Variants in ENPP4 observed in about 807,000 individuals in gnomAD.
ENPP4 encodes the protein bis(5'-adenosyl)-triphosphatase ENPP4.
ENPP4 carries 18 observed loss-of-function variants against 33.4 expected under a neutral mutation model. That is an observed-to-expected ratio of 0.54 (90% confidence interval 0.37 to 0.80). The LOEUF (loss-of-function observed/expected upper bound fraction) is 0.80, where lower values mean the gene tolerates loss of function less well. Ranked by LOEUF, ENPP4 falls within the 30% of genes least tolerant of loss-of-function variation. The pLI is 0.00. For missense variants in ENPP4, 480 were observed against 541.7 expected (o/e 0.89, Z 1.13); for synonymous variants, 172 against 189.9 (o/e 0.91, Z 0.78).
rs749467531 is a variant in ENPP4 at position 46,143,412 on chromosome 6, G to A, written c.1134G>A (p.Leu378=). ...VDIYPMMCHI[L]GLKPHPNNGT... ...TTTATCCAATGATGTGCCACATCCT[G>A]GGATTAAAACCACATCCCAATAATG... The change falls in exon 4 of 4, where the codon CTG becomes CTA. Residue 378 remains leucine (L), a synonymous_variant. Coordinates refer to ENST00000321037, the MANE Select transcript of ENPP4 (RefSeq NM_014936.5). 20 of 1,612,506 alleles carry A rather than the reference G, an allele frequency of 1.2e-5. 1 individual carries two copies. The South Asian group carries it at 1.9e-4, about 15-fold the overall frequency.
chr6:46,136,817 TA>T (rs1763984725), intron 1 of ENPP4, among the ~76,000 whole-genome samples: 1 of 151,880 alleles, frequency 6.6e-6, no homozygotes, highest in African/African-American at 2.4e-5. Context: ...TATTGAGGAC[TA>T]AAAAATATAG....
chr6:46,144,325 A>T lies in ENPP4; in HGVS notation c.*685A>T, dbSNP rs1445422136. ...TAGTCTTAAAGATTATTGTTAAAAA[A>T]TTCAGAAGAAAAGAGAGACAAGTGC... On this transcript the variant is annotated 3_prime_UTR_variant, in exon 4 of 4. Transcript: ENST00000321037. 4 of 151,842 alleles carry T rather than the reference A, an allele frequency of 2.6e-5. No individual in the cohort carries two copies. Among genetic ancestry groups the T allele is most frequent in the Admixed American group, 6.6e-5 (1 of 15,186 alleles). The allele number at this position is 151,842 out of a possible 1,614,324, so 9.4% of individuals were successfully genotyped here. A position where few individuals can be genotyped will look rare whatever the true frequency, so the allele number is the denominator to read the frequency against.
At chr6:46,141,368 A>G (rs1024001540) in intron 3 of ENPP4, 146 bp downstream of exon 3, 1 of 573,302 alleles carries the variant, frequency 1.7e-6, no homozygotes, top group African/African-American at 2.0e-5. Context: ...CCAGGTCTTC[A>G]TTTAATAGCA....
Position 46,143,901 on chromosome 6 carries a change from C to G in ENPP4, c.*261C>G. ...AATCATTAGGTAACATCAATCCTAA[C>G]TAGAAATACTAAAAATGGCTTTTGA... On this transcript the variant is annotated 3_prime_UTR_variant, in exon 4 of 4. Coordinates refer to ENST00000321037, the MANE Select transcript of ENPP4 (RefSeq NM_014936.5). 1 of 296,118 alleles carries G rather than the reference C, an allele frequency of 3.4e-6. No individual in the cohort carries two copies. Among genetic ancestry groups the G allele is most frequent in the Non-Finnish European group, 6.3e-6 (1 of 159,874 alleles). 18.3% of individuals were successfully genotyped at this position (296,118 alleles called of 1,614,324 possible).
At position 46,143,632 on chromosome 6, in the gene ENPP4, A is replaced by G; in HGVS notation, c.1354A>G (p.Ile452Val). 1 of 1,608,182 alleles carries G rather than the reference A, an allele frequency of 6.2e-7. No homozygotes were observed. ...ACAAGAAGATGATGATGATCCTTTAATTGGGTGACATGTGCTAGGGCTTAT... is the reference window on the plus strand; with the variant it reads ...ACAAGAAGATGATGATGATCCTTTAGTTGGGTGACATGTGCTAGGGCTTAT... ...QLQEDDDDPL[I>V]G is the part of the protein sequence containing the mutation. The change falls in exon 4 of 4, where the codon ATT (isoleucine) becomes GTT (valine). Residue 452 changes from isoleucine to valine, a missense_variant. This residue lies in a region of ENPP4 where 249 missense variants were observed against 251.8 expected (regional missense o/e 0.99). Transcript: ENST00000321037.
At chr6:46,134,356 T>G (rs1763946552) in intron 1 of ENPP4, among the ~76,000 whole-genome samples, 1 of 152,146 alleles carries the variant, frequency 6.6e-6, no homozygotes. Flanking sequence ...TCTGTACTAC[T>G]TATCCTGAGA....
chr6:46,137,271 G>C (rs1229715542), intron 1 of ENPP4, among the ~76,000 whole-genome samples: 2 of 151,782 alleles, frequency 1.3e-5, no homozygotes, highest in Non-Finnish European at 2.9e-5. Context: ...CAAAAATTAA[G>C]TTTATGAGTA....
chr6:46,137,667 G>A (rs1357533166), intron 1 of ENPP4, among the ~76,000 whole-genome samples: 3 of 151,850 alleles, frequency 2.0e-5, no homozygotes, highest in South Asian at 4.1e-4. Context: ...CACTCATTAG[G>A]TTTGTTACTC....
intron 1 of ENPP4, among the ~76,000 whole-genome samples, chr6:46,138,645 T>C (rs1764010158): frequency 6.6e-6 from 1 of 151,800 alleles, no homozygotes; most frequent in South Asian, 2.1e-4. Flanking sequence ...CCTGTTACAA[T>C]GGAAGAGGCA....
rs1764034107 is a variant in ENPP4 at position 46,140,075 on chromosome 6, A to G, written c.492A>G (p.Leu164=). The stretch of plus-strand genomic sequence containing the variant: ...CCTCAGTGTCATTTGAGGAAAGACT[A>G]AATAATATTACTATGTGGCTAAACA... ...YNSSVSFEER[L]NNITMWLNNS... Residue 164 remains leucine, a synonymous_variant, in exon 2 of 4, where the codon CTA becomes CTG. Coordinates refer to ENST00000321037, the MANE Select transcript of ENPP4 (RefSeq NM_014936.5). The G allele has an allele frequency of 3.1e-6, 5 of 1,612,668 alleles. No individual in the cohort carries two copies. The highest frequency in any genetic ancestry group is 4.2e-6 in the Non-Finnish European group (5 of 1,179,068).
At chr6:46,138,456 A>T (rs1451444931) in intron 1 of ENPP4, among the ~76,000 whole-genome samples, 1 of 151,852 alleles carries the variant, frequency 6.6e-6, no homozygotes, top group Non-Finnish European at 1.5e-5. Flanking sequence ...CTCCAGTTCT[A>T]CTGTTTACTC....
chr6:46,138,375 G>A (rs930507091), intron 1 of ENPP4, among the ~76,000 whole-genome samples: 7 of 151,806 alleles, frequency 4.6e-5, no homozygotes. Flanking sequence ...CCTGTGCCAG[G>A]TTTACTGAGT....
At chr6:46,141,333 A>T in intron 3 of ENPP4, 111 bp downstream of exon 3, 1 of 702,630 alleles carries the variant, frequency 1.4e-6, no homozygotes, top group Non-Finnish European at 2.3e-6. Flanking sequence ...CAGAATAATT[A>T]GTTCAATTTT....
At chr6:46,136,739 G>A (rs752686839) in intron 1 of ENPP4, among the ~76,000 whole-genome samples, 6 of 151,860 alleles carry the variant, frequency 4.0e-5, no homozygotes, top group Non-Finnish European at 7.4e-5. Context: ...GCAGGTGTGA[G>A]GTAAGAAAGT....
chr6:46,135,260 A>G (rs909734963), intron 1 of ENPP4, among the ~76,000 whole-genome samples: 2 of 151,966 alleles, frequency 1.3e-5, no homozygotes, highest in Admixed American at 6.6e-5. Context: ...CTGCCAGAAT[A>G]TTTTCCAAAG....
In ENPP4 at chr6:46,146,614, A is replaced by G. The variant is rs1764142828; in HGVS notation, c.*2974A>G. 6.6e-6 allele frequency: 1 copy of G among 152,116 alleles called. No individual in the cohort carries two copies. The highest frequency in any genetic ancestry group is 1.5e-5 in the Non-Finnish European group (1 of 67,860). 9.4% of individuals were successfully genotyped at this position (152,116 alleles called of 1,614,324 possible). On this transcript the variant is annotated 3_prime_UTR_variant, in exon 4 of 4. Coordinates refer to ENST00000321037, the MANE Select transcript of ENPP4 (RefSeq NM_014936.5). ...CTGTTACTTGAGTTCAGAATTAATGACTTTGTTCATGATTTTTAAAATGTG... is the reference window on the plus strand; with the variant it reads ...CTGTTACTTGAGTTCAGAATTAATGGCTTTGTTCATGATTTTTAAAATGTG...
intron 1 of ENPP4, among the ~76,000 whole-genome samples, chr6:46,133,610 A>G (rs972817665): frequency 2.0e-5 from 3 of 152,170 alleles, no homozygotes; most frequent in Non-Finnish European, 4.4e-5. Context: ...TCATACTTCC[A>G]TTTGTTGTAG....
chr6:46,143,648 T>C lies in ENPP4; in HGVS notation c.*8T>C. ...GATCCTTTAATTGGGTGACATGTGCTAGGGCTTATACAAAGTGTCTTTGAT... is the reference window on the plus strand; with the variant it reads ...GATCCTTTAATTGGGTGACATGTGCCAGGGCTTATACAAAGTGTCTTTGAT... On this transcript the variant is annotated 3_prime_UTR_variant, in exon 4 of 4. Coordinates refer to ENST00000321037, the MANE Select transcript of ENPP4 (RefSeq NM_014936.5). The C allele has an allele frequency of 6.3e-7, 1 of 1,599,152 alleles. No individual in the cohort carries two copies. Among genetic ancestry groups the C allele is most frequent in the Non-Finnish European group, 8.5e-7 (1 of 1,171,390 alleles).
intron 2 of ENPP4, 21 bp downstream of exon 2, chr6:46,140,430 G>GTAA (rs748464299): frequency 3.6e-6 from 5 of 1,401,962 alleles, no homozygotes; most frequent in Non-Finnish European, 4.9e-6. Context: ...ATTCAACTGA[G>GTAA]GGATACTATT....
Sources: gnomAD v4.1 joint callset for allele counts (sites outside exome capture counted in the v4.1 genomes callset) on GRCh38, gnomAD v4.1.1 for gene constraint, gnomAD v4.1.1 regional missense constraint, MANE v1.5 for transcripts, NCBI Gene and HGNC (gene_info 2026-07-23, HGNC 2026-07-21) for gene names.